Variants in RAB31 observed in about 807,000 individuals in gnomAD.
RAB31 encodes ras-related protein Rab-31.
RAB31 carries 21 observed loss-of-function variants against 25.6 expected under a neutral mutation model. That is an observed-to-expected ratio of 0.82 (90% CI 0.58 to 1.18). The LOEUF (loss-of-function observed/expected upper bound fraction) is 1.18. Among genes scored for constraint, RAB31 ranks in the 50% most tolerant of loss-of-function variants. The pLI is 0.00. For synonymous variants in RAB31, 87 were observed against 84.0 expected, an observed-to-expected ratio of 1.04 and a Z score of -0.20; for missense variants, 196 against 250.1, an observed-to-expected ratio of 0.78 and a Z score of 1.46.
chr18:9,748,597 T>C (rs2068217369), intron 1 of RAB31, among the ~76,000 whole-genome samples: 1 of 93,662 alleles, frequency 1.1e-5, no homozygotes, highest in South Asian at 2.8e-4. Flanking sequence ...TGTTGATATT[T>C]AAAAATATAA....
rs534239943 is a variant in RAB31, at chr18:9,839,630, G to A, written c.381-5952G>A. Among the ~76,000 whole-genome samples, 10 of 152,284 alleles carry A rather than the reference G, an allele frequency of 6.6e-5. No homozygotes were observed. The East Asian group carries it at 1.9e-3, about 29-fold the overall frequency. ...AGAGTGGCAGATTTGTAGGTGAGAG[G>A]TGGTTGGTCGGGCTTTGACAAGTTG... is the stretch of plus-strand genomic sequence containing the variant. On this transcript the variant is annotated intron_variant, in intron 5 of 6. Transcript: ENST00000578921.
chr18:9,811,702 C>T (rs1219926888), intron 3 of RAB31, among the ~76,000 whole-genome samples: 1 of 152,116 alleles, frequency 6.6e-6, no homozygotes, highest in Non-Finnish European at 1.5e-5. Flanking sequence ...TATTCCTGCT[C>T]ACAGAGACAT....
intron 2 of RAB31, among the ~76,000 whole-genome samples, chr18:9,784,827 A>G (rs1033781222): frequency 1.8e-4 from 27 of 152,196 alleles, no homozygotes; most frequent in African/African-American, 5.1e-4. Flanking sequence ...TGCTGGGATT[A>G]CAGGTGTGAG....
intron 1 of RAB31, among the ~76,000 whole-genome samples, chr18:9,735,857 T>C (rs1431731166): frequency 6.6e-6 from 1 of 152,210 alleles, no homozygotes; most frequent in Non-Finnish European, 1.5e-5. Context: ...TGTTTTTCTT[T>C]AAGCAGAGTC....
chr18:9,710,623 C>CG lies in RAB31; in HGVS notation c.39+2185dup, dbSNP rs369969845. Among the ~76,000 whole-genome samples the CG allele has an allele frequency of 4.4e-3, 669 of 152,114 alleles. 6 individuals are homozygous for CG. The highest frequency in any genetic ancestry group is 0.014 in the African/African-American group (594 of 41,502). ...ATCCCAGCACTTTGGGAGGCTGAGG[C>CG]GGGGGGATCATTTGAGGTCAGGAGT... On this transcript the variant is annotated intron_variant, in intron 1 of 6. Coordinates refer to ENST00000578921, the MANE Select transcript of RAB31 (RefSeq NM_006868.4).
At chr18:9,713,336 G>C (rs2068027429) in intron 1 of RAB31, among the ~76,000 whole-genome samples, 1 of 152,136 alleles carries the variant, frequency 6.6e-6, no homozygotes, top group Non-Finnish European at 1.5e-5. Context: ...TGAGTGGCTA[G>C]CCACAGCATT....
intron 1 of RAB31, among the ~76,000 whole-genome samples, chr18:9,737,836 TAAATAG>T: frequency 6.6e-6 from 1 of 152,210 alleles, no homozygotes; most frequent in African/African-American, 2.4e-5. Context: ...CAGGGGTCTC[TAAATAG>T]GTCAGAGGGT....
intron 2 of RAB31, among the ~76,000 whole-genome samples, chr18:9,779,917 A>G (rs182974644): frequency 6.6e-6 from 1 of 152,326 alleles, no homozygotes; most frequent in African/African-American, 2.4e-5. Flanking sequence ...GCTCCTGCCT[A>G]TAATCCCAGC....
In RAB31 at chr18:9,780,459, T is replaced by A. The variant is rs571421527; in HGVS notation, c.119+5102T>A. ...TAATCTACCTCTTAGAGGTAATTAC[T>A]GTAAACATTTTGTTATTTTCTTCCA... On this transcript the variant is annotated intron_variant, in intron 2 of 6. Coordinates refer to ENST00000578921, the MANE Select transcript of RAB31 (RefSeq NM_006868.4). 3.3e-5 allele frequency among the ~76,000 whole-genome samples: 5 copies of A among 152,370 alleles called. No homozygotes were observed. In the South Asian group the frequency reaches 1.0e-3, roughly 32 times the overall value.
intron 5 of RAB31, among the ~76,000 whole-genome samples, chr18:9,833,490 C>T (rs1361152818): frequency 6.6e-6 from 1 of 152,188 alleles, no homozygotes; most frequent in Non-Finnish European, 1.5e-5. Context: ...GAACATCAGC[C>T]AGTGGTGCTC....
chr18:9,715,317 C>T (rs1196098448), intron 1 of RAB31, among the ~76,000 whole-genome samples: 2 of 152,034 alleles, frequency 1.3e-5, no homozygotes, highest in Non-Finnish European at 2.9e-5. Context: ...TTTTCTGGCA[C>T]AGTCCCTCCC....
intron 1 of RAB31, chr18:9,735,044 G>A (rs142126077): frequency 0.018 from 3,168 of 171,564 alleles, 44 homozygotes; most frequent in Middle Eastern, 0.038. Context: ...TTGAGATGGA[G>A]TCTCGCTCTG....
chr18:9,763,069 T>C (rs895927095), intron 1 of RAB31, among the ~76,000 whole-genome samples: 1 of 152,200 alleles, frequency 6.6e-6, no homozygotes, highest in Non-Finnish European at 1.5e-5. Flanking sequence ...TTTTTAAATA[T>C]TACAAATATT....
chr18:9,782,087 G>A (rs1343472649), intron 2 of RAB31, among the ~76,000 whole-genome samples: 1 of 152,182 alleles, frequency 6.6e-6, no homozygotes, highest in Non-Finnish European at 1.5e-5. Context: ...GTGCCACTCC[G>A]CATGGGTGGC....
intron 1 of RAB31, among the ~76,000 whole-genome samples, chr18:9,715,956 C>T (rs142261349): frequency 2.6e-5 from 4 of 152,300 alleles, no homozygotes; most frequent in African/African-American, 9.6e-5. Flanking sequence ...AGGGCATTCT[C>T]CTATGTAACC....
intron 1 of RAB31, among the ~76,000 whole-genome samples, chr18:9,746,644 G>A (rs1330506069): frequency 6.6e-6 from 1 of 152,194 alleles, no homozygotes. Context: ...TTCAATAAGA[G>A]TACGAAGATC....
chr18:9,730,845 A>G (rs7238992), intron 1 of RAB31, among the ~76,000 whole-genome samples: 63,542 of 152,000 alleles, frequency 0.42, 15,790 homozygotes, highest in East Asian at 0.76. Context: ...CTTTCCTCCT[A>G]TATGGTATGT....
At chr18:9,767,324 G>A (rs2068321232) in intron 1 of RAB31, among the ~76,000 whole-genome samples, 1 of 152,276 alleles carries the variant, frequency 6.6e-6, no homozygotes, top group South Asian at 2.1e-4. Flanking sequence ...GAGTTGATGG[G>A]TCTTGTTAGT....
chr18:9,749,744 C>T (rs544929437), intron 1 of RAB31, among the ~76,000 whole-genome samples: 2 of 152,336 alleles, frequency 1.3e-5, no homozygotes, highest in South Asian at 2.1e-4. Context: ...GTCCAGAGCA[C>T]AGAAAATCTA....
Sources: gnomAD v4.1 joint callset for allele counts (sites outside exome capture counted in the v4.1 genomes callset) on GRCh38, gnomAD v4.1.1 for gene constraint, MANE v1.5 for transcripts, NCBI Gene and HGNC (gene_info 2026-07-23, HGNC 2026-07-21) for gene names.